HCN4: variants seen among roughly 807,000 people sequenced by gnomAD.
The protein encoded by HCN4 is hyperpolarization activated cyclic nucleotide gated potassium channel 4, also known as potassium/sodium hyperpolarization-activated cyclic nucleotide-gated channel 4.
In HCN4, 29 loss-of-function variants were observed where a neutral mutation model predicts 76.9. The observed-to-expected ratio is 0.38, with a 90% CI of 0.28 to 0.51. The LOEUF (loss-of-function observed/expected upper bound fraction) is 0.51, where lower values mean the gene tolerates loss of function less well. Ranked by LOEUF, HCN4 falls within the 20% of genes least tolerant of loss-of-function variation. The pLI, the probability that HCN4 is intolerant of heterozygous loss-of-function variation, is 0.90. For synonymous variants in HCN4, 772 were observed against 762.5 expected (o/e 1.01, Z -0.21); for missense variants, 1,416 against 1,715.2 (o/e 0.83, Z 3.08).
At chr15:73,333,311 T>G (rs79555716) in intron 2 of HCN4, among the ~76,000 whole-genome samples, 2,671 of 152,258 alleles carry the variant, frequency 0.018, 50 homozygotes, top group East Asian at 0.05. Context: ...CCTGGGAGAC[T>G]TTGAAGTGGG....
At chr15:73,353,152 G>A (rs566484550) in intron 1 of HCN4, among the ~76,000 whole-genome samples, 1 of 152,268 alleles carries the variant, frequency 6.6e-6, no homozygotes, top group East Asian at 1.9e-4. Flanking sequence ...CTAAGGGTGG[G>A]AATATATCGT....
chr15:73,325,221 C>T lies in HCN4; in HGVS notation c.1738-26G>A, dbSNP rs374253624. On this transcript the variant is annotated intron_variant, in intron 5 of 7. Coordinates refer to ENST00000261917, the MANE Select transcript of HCN4 (RefSeq NM_005477.3). The surrounding 1 kb of genome is among the most constrained non-coding windows in gnomAD (Gnocchi z 7.4). ...CTGCCGGACAGGGTGGATTGGGACA[C>T]GGGAAGGAGGTGGTGAGGGGAGCTG... is the stretch of plus-strand genomic sequence containing the variant. The T allele has an allele frequency of 9.9e-6, 16 of 1,613,860 alleles. No homozygotes were observed. Among genetic ancestry groups the T allele is most frequent in the African/African-American group, 4.0e-5 (3 of 74,920 alleles).
intron 2 of HCN4, among the ~76,000 whole-genome samples, chr15:73,340,006 G>T (rs944855315): frequency 6.6e-6 from 1 of 152,180 alleles, no homozygotes; most frequent in Admixed American, 6.5e-5. Flanking sequence ...TGGCCTCCTG[G>T]GATCTTCTTC....
Position 73,341,322 on chromosome 15 carries a change from A to G in HCN4, c.1209+2063T>C, listed in dbSNP as rs541382735. Among the ~76,000 whole-genome samples the G allele has an allele frequency of 3.3e-5, 5 of 151,224 alleles. No homozygotes were observed. In the East Asian group the frequency reaches 9.7e-4, roughly 29 times the overall value. On this transcript the variant is annotated intron_variant, in intron 2 of 7. Coordinates refer to ENST00000261917, the MANE Select transcript of HCN4 (RefSeq NM_005477.3). ...CGCCTGGCTAATTTTTTGTATTTTTAGTAGAGACGGGGTTTCACCACGTTG... is the reference window on the plus strand; with the variant it reads ...CGCCTGGCTAATTTTTTGTATTTTTGGTAGAGACGGGGTTTCACCACGTTG...
At chr15:73,354,807 T>C (rs540591956) in intron 1 of HCN4, among the ~76,000 whole-genome samples, 1 of 152,256 alleles carries the variant, frequency 6.6e-6, no homozygotes, top group African/African-American at 2.4e-5. Flanking sequence ...CATCATTCTA[T>C]GGCCATTAAG....
At chr15:73,347,262 C>G (rs1450673908) in intron 1 of HCN4, among the ~76,000 whole-genome samples, 3 of 152,144 alleles carry the variant, frequency 2.0e-5, no homozygotes, top group African/African-American at 7.2e-5. Context: ...CTAGACTACA[C>G]AGCTAGTGAG....
At chr15:73,360,157 G>A (rs2043098697) in intron 1 of HCN4, among the ~76,000 whole-genome samples, 1 of 152,230 alleles carries the variant, frequency 6.6e-6, no homozygotes, top group Non-Finnish European at 1.5e-5. Flanking sequence ...TATCATCCCA[G>A]AAAGACAGGT....
intron 3 of HCN4, among the ~76,000 whole-genome samples, chr15:73,330,673 A>C (rs1415698352): frequency 6.6e-6 from 1 of 152,090 alleles, no homozygotes; most frequent in African/African-American, 2.4e-5. Flanking sequence ...ACCCAGGCCC[A>C]CAGAGCACCT....
intron 4 of HCN4, among the ~76,000 whole-genome samples, chr15:73,326,101 C>T (rs1595821429): frequency 6.6e-6 from 1 of 152,016 alleles, no homozygotes; most frequent in Admixed American, 6.5e-5. Flanking sequence ...AAATAAGAAA[C>T]GATCCTGCCC....
intron 4 of HCN4, among the ~76,000 whole-genome samples, chr15:73,327,903 G>GCCCCCACCTGTCAGTCA (rs1219313584): frequency 6.6e-6 from 1 of 152,150 alleles, no homozygotes; most frequent in Non-Finnish European, 1.5e-5. Flanking sequence ...CACCTGGGTG[G>GCCCCCACCTGTCAGTCA]CCCCCACCTG....
chr15:73,327,795 TCTC>T (rs2151216418), intron 4 of HCN4, among the ~76,000 whole-genome samples: 1 of 152,136 alleles, frequency 6.6e-6, no homozygotes. Flanking sequence ...TCTTCCACCT[TCTC>T]CTTCCTCTGC....
Position 73,367,791 on chromosome 15 carries a change from C to A in HCN4, c.480G>T (p.Gln160His). Residue 160 changes from glutamine to histidine, a missense_variant, in exon 1 of 8, where the codon CAG becomes CAT. This residue lies in a region of HCN4 where 355 missense variants were observed against 347.8 expected (regional missense o/e 1.02). Coordinates refer to ENST00000261917, the MANE Select transcript of HCN4 (RefSeq NM_005477.3). The surrounding 1 kb of genome is among the most constrained non-coding windows in gnomAD (Gnocchi z 7.5). ...AEPERPGASA[Q>H]PAASPPPPQQ... ...GGGGCGGCGGCGGCGAGGCTGCGGG[C>A]TGCGCCGAGGCGCCGGGGCGCTCGG... 7.5e-7 allele frequency: 1 copy of A among 1,334,156 alleles called. No individual in the cohort carries two copies. The highest frequency in any genetic ancestry group is 9.5e-7 in the Non-Finnish European group (1 of 1,051,736). 82.6% of individuals were successfully genotyped at this position (1,334,156 alleles called of 1,614,324 possible).
chr15:73,325,010 G>C lies in HCN4; in HGVS notation c.1923C>G (p.Ser641Arg), dbSNP rs748573477. 6.2e-7 allele frequency: 1 copy of C among 1,614,040 alleles called. No individual in the cohort carries two copies. Among genetic ancestry groups the C allele is most frequent in the African/African-American group, 1.3e-5 (1 of 74,916 alleles). ...KMYFIQHGVV[S>R]VLTKGNKETK... is the part of the protein sequence containing the mutation. ...TCTCCTTGTTGCCCTTGGTGAGCAC[G>C]CTGACCACGCCATGCTGGATGAAGT... Residue 641 changes from serine (S) to arginine (R), a missense_variant, in exon 6 of 8, where the codon AGC becomes AGG. Ser to Arg is a moderately radical substitution (Grantham distance 110). Transcript: ENST00000261917. The surrounding 1 kb of genome is among the most constrained non-coding windows in gnomAD (Gnocchi z 7.4).
intron 1 of HCN4, among the ~76,000 whole-genome samples, chr15:73,361,066 A>G (rs566078790): frequency 6.6e-6 from 1 of 152,298 alleles, no homozygotes; most frequent in South Asian, 2.1e-4. Flanking sequence ...CCATATTTTC[A>G]TGTTGTATCT....
chr15:73,324,236 G>T lies in HCN4; in HGVS notation c.1996C>A (p.Arg666=), dbSNP rs199943122. The T allele has an allele frequency of 6.2e-7, 1 of 1,613,882 alleles. No individual in the cohort carries two copies. The highest frequency in any genetic ancestry group is 1.3e-5 in the African/African-American group (1 of 75,050). ...CTCACGCTGGCTGTGCGCCGGCCCCGGGTCAGCAGGCAGATCTCTGCCAGA... is the reference window on the plus strand; with the variant it reads ...CTCACGCTGGCTGTGCGCCGGCCCCTGGTCAGCAGGCAGATCTCTGCCAGA... ...SYFGEICLLT[R]GRRTASVRAD... Residue 666 remains arginine, a synonymous_variant, in exon 7 of 8, where the codon CGG becomes AGG. Transcript: ENST00000261917.
At chr15:73,339,031 A>G (rs1210715179) in intron 2 of HCN4, among the ~76,000 whole-genome samples, 1 of 152,236 alleles carries the variant, frequency 6.6e-6, no homozygotes, top group Non-Finnish European at 1.5e-5. Context: ...CAGCAGCCCC[A>G]GCTGGCCTTC....
At chr15:73,338,870 C>T (rs544565098) in intron 2 of HCN4, among the ~76,000 whole-genome samples, 11 of 152,370 alleles carry the variant, frequency 7.2e-5, no homozygotes, top group South Asian at 2.1e-4. Context: ...AGGGTCATGC[C>T]GGGTCCCATC....
At chr15:73,361,749 G>A (rs572083071) in intron 1 of HCN4, among the ~76,000 whole-genome samples, 1 of 152,324 alleles carries the variant, frequency 6.6e-6, no homozygotes, top group East Asian at 1.9e-4. Context: ...GTAGGAGGGG[G>A]CAGGGAGAAG....
intron 3 of HCN4, 79 bp from the exon 4 acceptor site, chr15:73,329,870 C>A: frequency 8.3e-7 from 1 of 1,206,084 alleles, no homozygotes; most frequent in Non-Finnish European, 1.2e-6. Flanking sequence ...CCTGCCACCT[C>A]CTCACCTCAA....
Sources: allele counts gnomAD v4.1 joint callset (sites outside exome capture counted in the v4.1 genomes callset), GRCh38; gene constraint gnomAD v4.1.1; regional missense constraint gnomAD v4.1.1; non-coding constraint Gnocchi (gnomAD v3.1); transcripts MANE v1.5; gene names NCBI Gene and HGNC (gene_info 2026-07-23, HGNC 2026-07-21).